Variants in ADAMTS19 observed in about 807,000 individuals in gnomAD.
ADAMTS19 encodes A disintegrin and metalloproteinase with thrombospondin motifs 19.
ADAMTS19 carries 93 observed loss-of-function variants against 153.3 expected under a neutral mutation model. The observed-to-expected ratio is 0.61, with a 90% CI of 0.51 to 0.72. The LOEUF is 0.72. ADAMTS19 is among the 30% of genes least tolerant of loss of function. The pLI is 0.00. For synonymous variants in ADAMTS19, 600 were observed against 556.6 expected, an observed-to-expected ratio of 1.08 and a Z score of -1.10; for missense variants, 1,482 against 1,552.1, an observed-to-expected ratio of 0.95 and a Z score of 0.76.
chr5:129,680,336 C>A (rs568420643), intron 17 of ADAMTS19, among the ~76,000 whole-genome samples: 7 of 152,134 alleles, frequency 4.6e-5, no homozygotes, highest in African/African-American at 1.7e-4. Context: ...TTATTCTACC[C>A]GAGAGAAGGA....
rs543074476 is a variant in ADAMTS19, at chr5:129,654,225, C to T, written c.2177-81C>T. The T allele has an allele frequency of 9.4e-5, 125 of 1,331,162 alleles. No individual in the cohort carries two copies. The African/African-American group carries it at 1.6e-3, about 17-fold the overall frequency. The allele number at this position is 1,331,162 out of a possible 1,614,324, so 82.5% of individuals were successfully genotyped here. A position where few individuals can be genotyped will look rare whatever the true frequency, so the allele number is the denominator to read the frequency against. On this transcript the variant is annotated intron_variant, in intron 13 of 22. Transcript: ENST00000274487. ...TTGAATTATATTTTTTACTCAATAA[C>T]GATTCTTAAAAATGAAGCTTAAGAT...
intron 12 of ADAMTS19, 26 bp from the exon 13 acceptor site, chr5:129,648,772 T>A (rs1437324153): frequency 6.2e-7 from 1 of 1,601,472 alleles, no homozygotes; most frequent in Non-Finnish European, 8.5e-7. Context: ...AAACATAAAA[T>A]TGATTATTTG....
chr5:129,556,488 A>G (rs971948046), intron 7 of ADAMTS19, among the ~76,000 whole-genome samples: 1 of 152,190 alleles, frequency 6.6e-6, no homozygotes, highest in Non-Finnish European at 1.5e-5. Flanking sequence ...ATGGTCCTCA[A>G]GAGTGTATTT....
chr5:129,541,518 A>G (rs924095165), intron 6 of ADAMTS19, among the ~76,000 whole-genome samples: 33 of 152,088 alleles, frequency 2.2e-4, no homozygotes, highest in African/African-American at 7.7e-4. Context: ...TTTATTCAGT[A>G]TCATCTGTTT....
intron 4 of ADAMTS19, among the ~76,000 whole-genome samples, chr5:129,526,947 G>T (rs1035986885): frequency 2.6e-5 from 4 of 151,712 alleles, no homozygotes; most frequent in Non-Finnish European, 4.4e-5. Flanking sequence ...AGGACCATAG[G>T]TTAATTATGA....
At chr5:129,680,806 G>A (rs1211276845) in intron 17 of ADAMTS19, among the ~76,000 whole-genome samples, 1 of 150,868 alleles carries the variant, frequency 6.6e-6, no homozygotes, top group Non-Finnish European at 1.5e-5. Context: ...AAGTGGGTTA[G>A]AATTTGAAGA....
intron 7 of ADAMTS19, among the ~76,000 whole-genome samples, chr5:129,568,384 C>T (rs140681146): frequency 0.011 from 1,712 of 152,004 alleles, 16 homozygotes; most frequent in Middle Eastern, 0.027. Context: ...AAGGGACTTT[C>T]ATGTTGTTAA....
At position 129,694,728 on chromosome 5, in the gene ADAMTS19, A is replaced by G. The variant is rs748887243; in HGVS notation, c.2827A>G (p.Lys943Glu). 3 of 1,577,118 alleles carry G rather than the reference A, an allele frequency of 1.9e-6. No individual in the cohort carries two copies. The South Asian group carries it at 3.6e-5, about 19-fold the overall frequency. The change falls in exon 19 of 23, where the codon AAG becomes GAG. Residue 943 changes from lysine (K) to glutamate (E), a missense_variant. This residue lies in a region of ADAMTS19 where 616 missense variants were observed against 724.4 expected (regional missense o/e 0.85). Coordinates refer to ENST00000274487, the MANE Select transcript of ADAMTS19 (RefSeq NM_133638.6). ...TTATTTGTTCTTTTCAGGAGAAAGG[A>G]AGACAACAGTGTCCTGCACAAAAAT... ...CDATCGGGERKTTVSCTKIMS... is the reference protein window; with the variant it reads ...CDATCGGGERETTVSCTKIMS...
chr5:129,693,255 G>A (rs1409622756), intron 18 of ADAMTS19, among the ~76,000 whole-genome samples: 8 of 152,110 alleles, frequency 5.3e-5, no homozygotes, highest in Non-Finnish European at 1.0e-4. Context: ...AAAGTAAAAT[G>A]TACTCCAAAA....
At chr5:129,714,935 A>T (rs952218820) in intron 21 of ADAMTS19, among the ~76,000 whole-genome samples, 3 of 152,212 alleles carry the variant, frequency 2.0e-5, no homozygotes, top group Non-Finnish European at 4.4e-5. Flanking sequence ...TATAGAACTC[A>T]TGATGCTATT....
intron 7 of ADAMTS19, among the ~76,000 whole-genome samples, chr5:129,584,222 G>C (rs1373186634): frequency 6.6e-6 from 1 of 152,150 alleles, no homozygotes; most frequent in African/African-American, 2.4e-5. Flanking sequence ...ATCACCAGGA[G>C]AGGCTGCAGA....
intron 3 of ADAMTS19, among the ~76,000 whole-genome samples, chr5:129,522,330 CACAT>C (rs1343700077): frequency 2.0e-4 from 14 of 70,954 alleles, no homozygotes; most frequent in African/African-American, 4.8e-4. Flanking sequence ...CACACACACA[CACAT>C]ATATATATAT....
At position 129,461,568 on chromosome 5, in the gene ADAMTS19, C is replaced by T. The variant is rs1052982799; in HGVS notation, c.558C>T (p.Leu186=). The T allele has an allele frequency of 6.4e-7, 1 of 1,558,774 alleles. No individual in the cohort carries two copies. The highest frequency in any genetic ancestry group is 1.9e-5 in the Admixed American group (1 of 53,304). ...TCTCTCGGGACCTGTACCTGCTGCT[C>T]CGGAGAGACGGCCGCTTCCTGGCGC... ...PAFSRDLYLL[L]RRDGRFLAPR... The change falls in exon 2 of 23, where the codon CTC becomes CTT. Residue 186 remains leucine (L), a synonymous_variant. Coordinates refer to ENST00000274487, the MANE Select transcript of ADAMTS19 (RefSeq NM_133638.6). The surrounding 1 kb of genome is among the most constrained non-coding windows in gnomAD (Gnocchi z 4.6).
chr5:129,715,901 G>A (rs1413406450), intron 21 of ADAMTS19, among the ~76,000 whole-genome samples: 1 of 152,096 alleles, frequency 6.6e-6, no homozygotes, highest in African/African-American at 2.4e-5. Flanking sequence ...GTGTACCTGG[G>A]GAGAGAGTGT....
chr5:129,555,816 T>C (rs1753292438), intron 7 of ADAMTS19, among the ~76,000 whole-genome samples: 2 of 152,192 alleles, frequency 1.3e-5, no homozygotes, highest in South Asian at 4.1e-4. Flanking sequence ...TAGATAAAAA[T>C]ACAACTAGAA....
At chr5:129,611,779 G>C (rs1321436035) in intron 8 of ADAMTS19, among the ~76,000 whole-genome samples, 1 of 151,840 alleles carries the variant, frequency 6.6e-6, no homozygotes, top group Admixed American at 6.6e-5. Flanking sequence ...ACAACTCCAA[G>C]ACACATAATT....
At position 129,509,145 on chromosome 5, in the gene ADAMTS19, A is replaced by G. The variant is rs28630040; in HGVS notation, c.816A>G (p.Thr272=). ...IEPLNDTMAI[T]GHPHRVYRQK... is the part of the protein sequence containing the mutation. ...CACTCAATGATACAATGGCCATAAC[A>G]GGTCACCCACACCGTGTATATAGGC... The change falls in exon 3 of 23, where the codon ACA becomes ACG. Residue 272 remains threonine (T), a synonymous_variant. Transcript: ENST00000274487. 0.094 allele frequency: 152,089 copies of G among 1,611,806 alleles called. 7,958 individuals are homozygous for G. Among genetic ancestry groups the G allele is most frequent in the Admixed American group, 0.16 (9,758 of 59,742 alleles).
At chr5:129,556,137 G>C (rs1392250295) in intron 7 of ADAMTS19, among the ~76,000 whole-genome samples, 1 of 152,092 alleles carries the variant, frequency 6.6e-6, no homozygotes, top group Non-Finnish European at 1.5e-5. Context: ...ACTTTTTCCT[G>C]TTGATATAGT....
intron 2 of ADAMTS19, among the ~76,000 whole-genome samples, chr5:129,469,016 A>G (rs530523325): frequency 2.7e-4 from 41 of 152,200 alleles, no homozygotes; most frequent in African/African-American, 9.2e-4. Flanking sequence ...ACATCAGGTG[A>G]TCTGCCCACC....
Sources: gnomAD v4.1 joint callset for allele counts (sites outside exome capture counted in the v4.1 genomes callset) on GRCh38, gnomAD v4.1.1 for gene constraint, gnomAD v4.1.1 regional missense constraint, Gnocchi (gnomAD v3.1) non-coding constraint, MANE v1.5 for transcripts, NCBI Gene and HGNC (gene_info 2026-07-23, HGNC 2026-07-21) for gene names.